PAPPA2: variants seen among roughly 807,000 people sequenced by gnomAD.
PAPPA2 encodes pappalysin-2.
A neutral mutation model predicts 176.4 loss-of-function variants in PAPPA2; 86 were observed. That is an observed-to-expected ratio of 0.49 (90% CI 0.41 to 0.58). The LOEUF is 0.58. PAPPA2 is among the 20% of genes least tolerant of loss of function. The pLI, the probability that PAPPA2 is intolerant of heterozygous loss-of-function variation, is 0.00. For missense variants in PAPPA2, 2,073 were observed against 2,256.9 expected (o/e 0.92, Z 1.65); for synonymous variants, 809 against 852.2 (o/e 0.95, Z 0.88).
chr1:176,739,963 T>C lies in PAPPA2; in HGVS notation c.3935-17T>C, dbSNP rs528889054. The C allele has an allele frequency of 9.9e-6, 16 of 1,610,674 alleles. No individual in the cohort carries two copies. In the South Asian group the frequency reaches 1.8e-4, roughly 18 times the overall value. On this transcript the variant is annotated splice_polypyrimidine_tract_variant and intron_variant, in intron 13 of 22. Transcript: ENST00000367662. ...TAACAATGGCTGAAAATATGATTCA[T>C]CTCCGTTTATCTTCAGGAACCTATG...
chr1:176,784,333 C>T (rs920331567), intron 17 of PAPPA2, among the ~76,000 whole-genome samples: 19 of 152,102 alleles, frequency 1.2e-4, no homozygotes, highest in African/African-American at 4.6e-4. Context: ...TGAATAAAAC[C>T]AGTTTTTTCA....
intron 9 of PAPPA2, among the ~76,000 whole-genome samples, chr1:176,705,206 A>T (rs1023096101): frequency 6.6e-6 from 1 of 152,176 alleles, no homozygotes; most frequent in South Asian, 2.1e-4. Flanking sequence ...ATTGAACCAC[A>T]TTGCATTTAT....
chr1:176,758,843 C>T (rs1184303117), intron 14 of PAPPA2, among the ~76,000 whole-genome samples: 1 of 152,166 alleles, frequency 6.6e-6, no homozygotes, highest in African/African-American at 2.4e-5. Context: ...GTTTTCTGCA[C>T]TCCCACCCCA....
At chr1:176,661,433 A>T (rs1258440771) in intron 3 of PAPPA2, among the ~76,000 whole-genome samples, 1 of 151,408 alleles carries the variant, frequency 6.6e-6, no homozygotes, top group Admixed American at 6.6e-5. Flanking sequence ...GGGAGGTGGG[A>T]ATTCTGAAGC....
intron 17 of PAPPA2, among the ~76,000 whole-genome samples, chr1:176,781,291 C>A (rs1664701373): frequency 7.2e-6 from 1 of 138,254 alleles, no homozygotes; most frequent in African/African-American, 2.7e-5. Context: ...GGTCTACACA[C>A]TTTTAGGAGT....
At chr1:176,699,708 GA>G in intron 8 of PAPPA2, 119 bp downstream of exon 8, 1 of 1,449,912 alleles carries the variant, frequency 6.9e-7, no homozygotes, top group East Asian at 2.3e-5. Context: ...TAGACTTTCA[GA>G]GGGGATTTTA....
rs536424940 is a variant in PAPPA2 at position 176,803,412 on chromosome 1, T to C, written c.5202+3280T>C. ...GGCATTGCTGCTGGTGTAGCCCCAA[T>C]GTAATTAGTTGTAAACTGAGGATGT... On this transcript the variant is annotated intron_variant, in intron 21 of 22. Coordinates refer to ENST00000367662, the MANE Select transcript of PAPPA2 (RefSeq NM_020318.3). 1.1e-4 allele frequency among the ~76,000 whole-genome samples: 17 copies of C among 152,090 alleles called. No homozygotes were observed. The East Asian group carries it at 3.1e-3, about 28-fold the overall frequency.
At chr1:176,608,334 A>T in intron 3 of PAPPA2, among the ~76,000 whole-genome samples, 1 of 152,126 alleles carries the variant, frequency 6.6e-6, no homozygotes, top group East Asian at 1.9e-4. Flanking sequence ...TTATCTGTTC[A>T]ATTTCTTTCC....
intron 1 of PAPPA2, among the ~76,000 whole-genome samples, chr1:176,519,830 T>C (rs923780976): frequency 3.3e-5 from 5 of 152,178 alleles, no homozygotes; most frequent in African/African-American, 7.2e-5. Context: ...AAGTTGAAAG[T>C]TGGTAGTTGG....
At chr1:176,789,711 C>A in intron 17 of PAPPA2, 98 bp from the exon 18 acceptor site, 1 of 1,346,882 alleles carries the variant, frequency 7.4e-7, no homozygotes, top group South Asian at 1.3e-5. Context: ...TCTGTCCCTG[C>A]CTATTTGCTA....
rs1289014702 is a variant in PAPPA2 at position 176,556,945 on chromosome 1, A to G, written c.623A>G (p.Asp208Gly). The change falls in exon 2 of 23, where the codon GAT becomes GGT. Residue 208 changes from aspartate to glycine, a missense_variant. This residue lies in a region of PAPPA2 where 1,196 missense variants were observed against 1,330.4 expected (regional missense o/e 0.90). Coordinates refer to ENST00000367662, the MANE Select transcript of PAPPA2 (RefSeq NM_020318.3). ...CAAGTGTGGAAGAGGCGGGCGGAAG[A>G]TGGGCAGGGAGACTCCGGTATCTCT... ...RRQVWKRRAE[D>G]GQGDSGISSH... 9.9e-6 allele frequency: 16 copies of G among 1,613,850 alleles called. No individual in the cohort carries two copies. The highest frequency in any genetic ancestry group is 1.7e-5 in the Admixed American group (1 of 59,992).
chr1:176,653,858 A>G (rs1472335831), intron 3 of PAPPA2, among the ~76,000 whole-genome samples: 1 of 151,678 alleles, frequency 6.6e-6, no homozygotes, highest in Non-Finnish European at 1.5e-5. Context: ...TCTTACTTGA[A>G]TTGCCAGGAA....
At chr1:176,772,099 C>T (rs1447956199) in intron 17 of PAPPA2, among the ~76,000 whole-genome samples, 2 of 152,148 alleles carry the variant, frequency 1.3e-5, no homozygotes, top group Non-Finnish European at 2.9e-5. Flanking sequence ...GTGCCAATTA[C>T]TCAATAAATG....
chr1:176,799,934 A>G, intron 20 of PAPPA2, 127 bp from the exon 21 acceptor site: 2 of 900,594 alleles, frequency 2.2e-6, no homozygotes, highest in Non-Finnish European at 3.5e-6. Flanking sequence ...ACTTTATGGG[A>G]CACAATTAGA....
intron 1 of PAPPA2, among the ~76,000 whole-genome samples, chr1:176,543,282 A>G (rs183803173): frequency 2.4e-3 from 368 of 152,274 alleles, no homozygotes; most frequent in African/African-American, 8.2e-3. Context: ...TGTCCTGTCC[A>G]TGCTGTCCCC....
At chr1:176,736,122 G>A (rs1047299752) in intron 12 of PAPPA2, among the ~76,000 whole-genome samples, 5 of 151,940 alleles carry the variant, frequency 3.3e-5, no homozygotes, top group Non-Finnish European at 7.4e-5. Flanking sequence ...GCTCCTAAGG[G>A]GTCTTTTAGG....
At chr1:176,801,107 A>G (rs1045399989) in intron 21 of PAPPA2, among the ~76,000 whole-genome samples, 7 of 148,348 alleles carry the variant, frequency 4.7e-5, no homozygotes, top group Admixed American at 1.3e-4. Flanking sequence ...ACACACACGC[A>G]CACACACACA....
chr1:176,711,339 C>A (rs759669501), intron 11 of PAPPA2, among the ~76,000 whole-genome samples: 2 of 152,134 alleles, frequency 1.3e-5, no homozygotes, highest in African/African-American at 2.4e-5. Context: ...GAGGTAATGA[C>A]CGCTCTCTGA....
chr1:176,556,574 G>C lies in PAPPA2; in HGVS notation c.252G>C (p.Val84=), dbSNP rs777937468. 1 of 1,614,024 alleles carries C rather than the reference G, an allele frequency of 6.2e-7. No homozygotes were observed. Among genetic ancestry groups the C allele is most frequent in the African/African-American group, 1.3e-5 (1 of 74,900 alleles). ...RAGNYLRPYP[V]GEQEIHHTGR... ...GGAACTACCTAAGGCCCTACCCCGT[G>C]GGGGAGCAAGAAATCCATCATACAG... The change falls in exon 2 of 23, where the codon GTG becomes GTC. Residue 84 remains valine (V), a synonymous_variant. Coordinates refer to ENST00000367662, the MANE Select transcript of PAPPA2 (RefSeq NM_020318.3).
Sources: allele counts gnomAD v4.1 joint callset (sites outside exome capture counted in the v4.1 genomes callset), GRCh38; gene constraint gnomAD v4.1.1; regional missense constraint gnomAD v4.1.1; transcripts MANE v1.5; gene names NCBI Gene and HGNC (gene_info 2026-07-23, HGNC 2026-07-21).